The following BACH2 variants were observed in gnomAD, a reference collection of about 807,000 sequenced individuals.
BACH2 encodes the protein transcription regulator protein BACH2.
In BACH2, 5 loss-of-function variants were observed where a neutral mutation model predicts 61.8. The observed-to-expected ratio is 0.08, with a 90% CI of 0.04 to 0.17. The LOEUF (loss-of-function observed/expected upper bound fraction) is 0.17, where lower values mean the gene tolerates loss of function less well. Among genes scored for constraint, BACH2 ranks in the 10% least tolerant of loss-of-function variants. The pLI is 1.00. For missense variants in BACH2, 824 were observed against 1,091.1 expected (o/e 0.76, Z 3.45); for synonymous variants, 446 against 440.1 (o/e 1.01, Z -0.17).
At chr6:90,190,228 C>T (rs944963553) in intron 4 of BACH2, among the ~76,000 whole-genome samples, 10 of 152,244 alleles carry the variant, frequency 6.6e-5, no homozygotes, top group African/African-American at 2.4e-4. Context: ...TAGGCGTGAG[C>T]CACCGCAAGC....
rs761404212 is a variant in BACH2 at position 89,951,358 on chromosome 6, T to G, written c.748A>C (p.Thr250Pro). The change falls in exon 7 of 9, where the codon ACC (threonine) becomes CCC (proline). Residue 250 changes from threonine (T) to proline (P), a missense_variant. This residue lies in a region of BACH2 where 226 missense variants were observed against 228.5 expected (regional missense o/e 0.99). Coordinates refer to ENST00000257749, the MANE Select transcript of BACH2 (RefSeq NM_021813.4). This position sits in a 1 kb window ranked among gnomAD's most constrained non-coding sequence, Gnocchi z 6.4. ...KNVYNASSHSTSGFASTFRED... is the reference protein window; with the variant it reads ...KNVYNASSHSPSGFASTFRED... ...CGGAATGTGCTTGCAAAACCTGAGG[T>G]ACTGTGTGATGATGCATTATAGACA... The G allele has an allele frequency of 1.2e-6, 2 of 1,614,250 alleles. No homozygotes were observed. The highest frequency in any genetic ancestry group is 3.3e-5 in the Admixed American group (2 of 60,034).
At chr6:90,247,887 A>C (rs1459187445) in intron 3 of BACH2, among the ~76,000 whole-genome samples, 1 of 152,156 alleles carries the variant, frequency 6.6e-6, no homozygotes, top group Non-Finnish European at 1.5e-5. Context: ...GTCCCTAATC[A>C]GACAGCATTT....
intron 6 of BACH2, among the ~76,000 whole-genome samples, chr6:89,954,517 A>AT (rs35054443): frequency 0.19 from 22,030 of 114,324 alleles, 2,517 homozygotes; most frequent in South Asian, 0.36. Context: ...CCTTATCACC[A>AT]TTTTTTTTTT....
chr6:89,970,286 C>T (rs890840330), intron 6 of BACH2, among the ~76,000 whole-genome samples: 6 of 152,148 alleles, frequency 3.9e-5, no homozygotes, highest in African/African-American at 1.4e-4. Flanking sequence ...TTCTGTGCCC[C>T]GAAGTGAAGC....
In BACH2 at chr6:89,942,534, A is replaced by G. The variant is rs1377760195; in HGVS notation, c.1837-4184T>C. Among the ~76,000 whole-genome samples the G allele has an allele frequency of 3.3e-5, 5 of 152,304 alleles. No homozygotes were observed. In the East Asian group the frequency reaches 9.6e-4, roughly 29 times the overall value. Reference sequence around the variant, plus strand: ...CTCCTCCAGGATCTCACTTCCCAGCAGTGGCTTGGTTTCCTAAAGAGTCCC... The same window carrying G: ...CTCCTCCAGGATCTCACTTCCCAGCGGTGGCTTGGTTTCCTAAAGAGTCCC... On this transcript the variant is annotated intron_variant, in intron 7 of 8. Transcript: ENST00000257749.
At chr6:90,229,572 C>T (rs1408719252) in intron 3 of BACH2, among the ~76,000 whole-genome samples, 2 of 152,186 alleles carry the variant, frequency 1.3e-5, no homozygotes. Context: ...CTGTCCTAGA[C>T]TCTGTCAGTA....
At chr6:90,116,775 CT>C in intron 4 of BACH2, 1 of 465,418 alleles carries the variant, frequency 2.1e-6, no homozygotes. Context: ...TAATTTGCGC[CT>C]ACAGTGACAG....
At chr6:90,103,029 A>ATATATATATATATATTTTTTTTTTT in intron 4 of BACH2, among the ~76,000 whole-genome samples, 1 of 21,164 alleles carries the variant, frequency 4.7e-5, no homozygotes, top group African/African-American at 2.4e-4. Context: ...ATATATATAT[A>ATATATATATATATATTTTTTTTTTT]TTTTTTTTTT....
At chr6:90,028,011 C>T (rs1245863947) in intron 5 of BACH2, among the ~76,000 whole-genome samples, 3 of 152,110 alleles carry the variant, frequency 2.0e-5, no homozygotes, top group Non-Finnish European at 2.9e-5. Context: ...TGGGGAAGGG[C>T]CAATTTGCTT....
chr6:90,017,982 A>C (rs1778158040), intron 5 of BACH2, among the ~76,000 whole-genome samples: 1 of 152,114 alleles, frequency 6.6e-6, no homozygotes, highest in Non-Finnish European at 1.5e-5. Context: ...TGATCCTTTC[A>C]GGTTTTGCTT....
At chr6:90,014,624 C>T (rs1323163071) in intron 5 of BACH2, among the ~76,000 whole-genome samples, 5 of 150,254 alleles carry the variant, frequency 3.3e-5, no homozygotes, top group East Asian at 1.9e-4. Flanking sequence ...TACAGGTGTG[C>T]GCTACCATGC....
chr6:90,057,288 G>T (rs1780413897), intron 5 of BACH2, among the ~76,000 whole-genome samples: 1 of 152,110 alleles, frequency 6.6e-6, no homozygotes, highest in African/African-American at 2.4e-5. Flanking sequence ...TCATAAAGGG[G>T]ATATCACCAC....
intron 4 of BACH2, among the ~76,000 whole-genome samples, chr6:90,137,745 A>G (rs578239961): frequency 1.3e-5 from 2 of 152,284 alleles, no homozygotes; most frequent in East Asian, 1.9e-4. Context: ...GTGGGATTCT[A>G]TAATTCTCTG....
In BACH2 at chr6:89,983,999, C is replaced by G. The variant is rs182631780; in HGVS notation, c.243+24603G>C. Among the ~76,000 whole-genome samples, 372 of 152,314 alleles carry G rather than the reference C, an allele frequency of 2.4e-3. 1 individual carries two copies. The highest frequency in any genetic ancestry group is 8.9e-3 in the African/African-American group (369 of 41,578). ...CCCGATCCTTCCTTTGTATAGGTGC[C>G]TGACTGACCTTCCTGATGACAGTGA... On this transcript the variant is annotated intron_variant, in intron 6 of 8. Transcript: ENST00000257749.
At chr6:90,161,565 A>G (rs1785192839) in intron 4 of BACH2, among the ~76,000 whole-genome samples, 1 of 152,254 alleles carries the variant, frequency 6.6e-6, no homozygotes, top group Admixed American at 6.5e-5. Flanking sequence ...ATGTGTGAGT[A>G]TACAAAGCAT....
intron 6 of BACH2, among the ~76,000 whole-genome samples, chr6:90,002,138 T>C (rs1777164983): frequency 6.6e-6 from 1 of 152,200 alleles, no homozygotes; most frequent in African/African-American, 2.4e-5. Context: ...CTCCTCGAAA[T>C]GCTTTCTTCA....
intron 6 of BACH2, among the ~76,000 whole-genome samples, chr6:89,977,558 G>C (rs1451526978): frequency 6.6e-6 from 1 of 152,192 alleles, no homozygotes; most frequent in African/African-American, 2.4e-5. Flanking sequence ...AACGGTGTAA[G>C]AACCACTGGA....
chr6:90,152,201 G>C (rs1029987083), intron 4 of BACH2, among the ~76,000 whole-genome samples: 2 of 152,130 alleles, frequency 1.3e-5, no homozygotes, highest in Non-Finnish European at 2.9e-5. Context: ...CTGCATTCCC[G>C]GGCATATAAT....
At chr6:90,207,785 A>G (rs1464358699) in intron 3 of BACH2, among the ~76,000 whole-genome samples, 2 of 152,204 alleles carry the variant, frequency 1.3e-5, no homozygotes, top group African/African-American at 2.4e-5. Flanking sequence ...AGTTCTTAGT[A>G]ATCAGCCTTT....
Sources: gnomAD v4.1 joint callset for allele counts (sites outside exome capture counted in the v4.1 genomes callset) on GRCh38, gnomAD v4.1.1 for gene constraint, gnomAD v4.1.1 regional missense constraint, Gnocchi (gnomAD v3.1) non-coding constraint, MANE v1.5 for transcripts, NCBI Gene and HGNC (gene_info 2026-07-23, HGNC 2026-07-21) for gene names.